The following DOCK2 variants were observed in gnomAD, a reference collection of about 807,000 sequenced individuals.
DOCK2 encodes the protein dedicator of cytokinesis protein 2.
A neutral mutation model predicts 248.9 loss-of-function variants in DOCK2; 87 were observed. The ratio of observed to expected loss-of-function variants is 0.35; its 90% CI spans 0.29 to 0.42. DOCK2 has a LOEUF of 0.42. Ranked by LOEUF, DOCK2 falls within the 10% of genes least tolerant of loss-of-function variation. The pLI, the probability that DOCK2 is intolerant of heterozygous loss-of-function variation, is 1.00. For missense variants in DOCK2, 1,747 were observed against 2,300.2 expected (o/e 0.76, Z 4.92); for synonymous variants, 805 against 821.6 (o/e 0.98, Z 0.35).
At chr5:169,897,524 C>T (rs142252548) in intron 27 of DOCK2, among the ~76,000 whole-genome samples, 191 of 152,242 alleles carry the variant, frequency 1.3e-3, no homozygotes, top group Middle Eastern at 3.4e-3. Flanking sequence ...GAAGAGCAAA[C>T]GGAAAGACAT....
intron 6 of DOCK2, 158 bp from the exon 7 acceptor site, chr5:169,681,586 T>C (rs1759670790): frequency 1.2e-6 from 1 of 822,944 alleles, no homozygotes. Context: ...ACTATACCAA[T>C]ATGTGCTCAC....
At chr5:169,752,608 T>A (rs1038979129) in intron 23 of DOCK2, among the ~76,000 whole-genome samples, 1 of 150,680 alleles carries the variant, frequency 6.6e-6, no homozygotes, top group Non-Finnish European at 1.5e-5. Context: ...TAGCTAGGCA[T>A]GGGGGCCTGC....
chr5:169,925,548 C>A (rs373422083), intron 27 of DOCK2, among the ~76,000 whole-genome samples: 1 of 143,532 alleles, frequency 7.0e-6, no homozygotes, highest in South Asian at 2.2e-4. Flanking sequence ...CCACTGAACT[C>A]CAGCCTGGGC....
At chr5:169,961,227 C>T (rs1395972903) in intron 27 of DOCK2, among the ~76,000 whole-genome samples, 2 of 152,234 alleles carry the variant, frequency 1.3e-5, no homozygotes, top group Non-Finnish European at 2.9e-5. Context: ...GGATCATCAT[C>T]ATCTCTAACA....
At chr5:169,842,211 C>T (rs998648284) in intron 27 of DOCK2, among the ~76,000 whole-genome samples, 2 of 152,216 alleles carry the variant, frequency 1.3e-5, no homozygotes, top group Non-Finnish European at 2.9e-5. Flanking sequence ...CCCTGACATT[C>T]CTGCTTTACA....
At chr5:169,667,946 G>A (rs1230993233) in intron 2 of DOCK2, among the ~76,000 whole-genome samples, 1 of 152,190 alleles carries the variant, frequency 6.6e-6, no homozygotes, top group African/African-American at 2.4e-5. Flanking sequence ...TAGCTTAGTG[G>A]AGATTTAGTT....
chr5:169,644,033 GAGGA>G (rs1757306098), intron 1 of DOCK2, among the ~76,000 whole-genome samples: 1 of 152,132 alleles, frequency 6.6e-6, no homozygotes, highest in Admixed American at 6.5e-5. Context: ...ATATAAAGAG[GAGGA>G]AGCCTCTCTG....
At chr5:170,069,491 T>A (rs1182961756) in intron 46 of DOCK2, among the ~76,000 whole-genome samples, 1 of 152,128 alleles carries the variant, frequency 6.6e-6, no homozygotes, top group Non-Finnish European at 1.5e-5. Context: ...GATGTTGAAT[T>A]CAGGGGATGG....
chr5:169,653,072 G>C (rs1345603019), intron 1 of DOCK2, among the ~76,000 whole-genome samples: 1 of 152,208 alleles, frequency 6.6e-6, no homozygotes, highest in African/African-American at 2.4e-5. Flanking sequence ...ACCTCTCTCT[G>C]TCTGAGTTTC....
intron 26 of DOCK2, among the ~76,000 whole-genome samples, chr5:169,835,263 T>TG (rs1233396530): frequency 6.8e-6 from 1 of 147,962 alleles, no homozygotes; most frequent in African/African-American, 2.5e-5. Context: ...ATGCCTGGTT[T>TG]TTTTTTTTTT....
intron 25 of DOCK2, among the ~76,000 whole-genome samples, chr5:169,786,915 A>G (rs982880263): frequency 1.3e-5 from 2 of 152,254 alleles, no homozygotes; most frequent in Non-Finnish European, 2.9e-5. Context: ...AAGATACAGT[A>G]TATTTTCATT....
At chr5:169,952,964 T>C (rs1485029396) in intron 27 of DOCK2, among the ~76,000 whole-genome samples, 1 of 152,340 alleles carries the variant, frequency 6.6e-6, no homozygotes, top group Admixed American at 6.5e-5. Flanking sequence ...AGGGAAGGCT[T>C]CACTTTGTTA....
intron 46 of DOCK2, 53 bp downstream of exon 46, chr5:170,069,273 C>T (rs1198801726): frequency 2.1e-5 from 34 of 1,589,826 alleles, no homozygotes; most frequent in Admixed American, 3.4e-5. Context: ...CTCCCCCCAC[C>T]GTGGTTCACT....
intron 26 of DOCK2, among the ~76,000 whole-genome samples, chr5:169,826,246 G>T (rs1245690055): frequency 6.6e-6 from 1 of 152,154 alleles, no homozygotes; most frequent in African/African-American, 2.4e-5. Flanking sequence ...TACTCAAAAA[G>T]AACAAGCAAC....
Position 169,729,255 on chromosome 5 carries a change from A to ATT in DOCK2, c.2267+10465_2267+10466dup, listed in dbSNP as rs548977295. Among the ~76,000 whole-genome samples the ATT allele has an allele frequency of 2.8e-4, 42 of 152,344 alleles. 2 individuals are homozygous for ATT. Among genetic ancestry groups the ATT allele is most frequent in the Middle Eastern group, 6.8e-3 (2 of 294 alleles). On this transcript the variant is annotated intron_variant, in intron 22 of 51. Coordinates refer to ENST00000520908, the MANE Select transcript of DOCK2 (RefSeq NM_004946.3). ...GCAATTGTCAGGGATGCTAAGTGCAATTGGTATGACTAGACGTACTTTGTG... is the reference window on the plus strand; with the variant it reads ...GCAATTGTCAGGGATGCTAAGTGCAATTTTGGTATGACTAGACGTACTTTGTG...
intron 19 of DOCK2, 70 bp from the exon 20 acceptor site, chr5:169,716,143 A>T: frequency 1.5e-6 from 2 of 1,299,808 alleles, no homozygotes; most frequent in Admixed American, 1.7e-5. Flanking sequence ...GATAGTTAGG[A>T]GTGGGATTGC....
chr5:169,681,638 A>C, intron 6 of DOCK2, 106 bp from the exon 7 acceptor site: 1 of 1,354,442 alleles, frequency 7.4e-7, no homozygotes, highest in Non-Finnish European at 1.0e-6. Context: ...CTTCTATGTG[A>C]CTATATGACC....
chr5:170,031,834 CT>C (rs1227356065), intron 34 of DOCK2, among the ~76,000 whole-genome samples: 4 of 152,252 alleles, frequency 2.6e-5, no homozygotes, highest in African/African-American at 9.6e-5. Context: ...AAGCCAAGAC[CT>C]TTTTCTTCTA....
At chr5:169,979,145 G>T (rs768861562) in intron 27 of DOCK2, among the ~76,000 whole-genome samples, 1 of 152,166 alleles carries the variant, frequency 6.6e-6, no homozygotes, top group Non-Finnish European at 1.5e-5. Context: ...ACTGCAAGGG[G>T]TCCCTCCACC....
Sources: allele counts gnomAD v4.1 joint callset (sites outside exome capture counted in the v4.1 genomes callset), GRCh38; gene constraint gnomAD v4.1.1; transcripts MANE v1.5; gene names NCBI Gene and HGNC (gene_info 2026-07-23, HGNC 2026-07-21).